GABBR2: variants seen among roughly 807,000 people sequenced by gnomAD.
GABBR2 encodes the protein gamma-aminobutyric acid type B receptor subunit 2.
Under a neutral mutation model 105.6 loss-of-function variants are expected in GABBR2, and 23 were observed. That is an observed-to-expected ratio of 0.22 (90% CI 0.16 to 0.31). The LOEUF (loss-of-function observed/expected upper bound fraction) is 0.31, where lower values mean the gene tolerates loss of function less well. Among genes scored for constraint, GABBR2 ranks in the 10% least tolerant of loss-of-function variants. GABBR2 has a pLI of 1.00. For missense variants in GABBR2, 734 were observed against 1,245.5 expected, an observed-to-expected ratio of 0.59 and a Z score of 6.18; for synonymous variants, 478 against 499.7, an observed-to-expected ratio of 0.96 and a Z score of 0.58.
At chr9:98,351,632 A>G (rs562106866) in intron 13 of GABBR2, among the ~76,000 whole-genome samples, 96 of 152,290 alleles carry the variant, frequency 6.3e-4, no homozygotes, top group African/African-American at 2.2e-3. Context: ...AATTTCATTC[A>G]TTGAATTCTT....
intron 5 of GABBR2, among the ~76,000 whole-genome samples, chr9:98,476,180 T>C (rs545088702): frequency 6.6e-6 from 1 of 152,334 alleles, no homozygotes; most frequent in Admixed American, 6.5e-5. Flanking sequence ...TGGTAATTAA[T>C]TAAGAGGCAG....
chr9:98,668,251 A>ATAACT (rs1830362113), intron 1 of GABBR2, among the ~76,000 whole-genome samples: 1 of 151,696 alleles, frequency 6.6e-6, no homozygotes, highest in African/African-American at 2.4e-5. Flanking sequence ...CCAACTTAAC[A>ATAACT]GTGGCTTTGA....
At chr9:98,607,386 A>G (rs1564129339) in intron 1 of GABBR2, 1 of 675,658 alleles carries the variant, frequency 1.5e-6, no homozygotes, top group Non-Finnish European at 2.7e-6. Flanking sequence ...TGCATGAAAC[A>G]GTATCATCTC....
chr9:98,377,571 C>T (rs1257290998), intron 11 of GABBR2, among the ~76,000 whole-genome samples: 5 of 152,180 alleles, frequency 3.3e-5, no homozygotes, highest in South Asian at 2.1e-4. Flanking sequence ...GCCAGCTCCT[C>T]GAGGACCATG....
intron 3 of GABBR2, among the ~76,000 whole-genome samples, chr9:98,540,562 T>A (rs1261651592): frequency 1.3e-5 from 2 of 152,142 alleles, no homozygotes; most frequent in African/African-American, 4.8e-5. Flanking sequence ...ACCAGCCCTG[T>A]TCTACTCCCA....
intron 1 of GABBR2, among the ~76,000 whole-genome samples, chr9:98,690,511 G>A (rs1830670405): frequency 6.6e-6 from 1 of 152,124 alleles, no homozygotes; most frequent in African/African-American, 2.4e-5. Context: ...AATGTGTAGA[G>A]AAGGAATAGC....
intron 8 of GABBR2, 65 bp from the exon 9 acceptor site, chr9:98,394,320 T>C: frequency 9.0e-7 from 1 of 1,109,480 alleles, no homozygotes; most frequent in Non-Finnish European, 1.4e-6. Flanking sequence ...GGTGCTCCTA[T>C]TCCAGGCTCT....
In GABBR2 at chr9:98,306,438, A is replaced by G; in HGVS notation, c.2005-93T>C. On this transcript the variant is annotated intron_variant, in intron 14 of 18. Transcript: ENST00000259455. This position sits in a 1 kb window ranked among gnomAD's most constrained non-coding sequence, Gnocchi z 5.4. ...GAAGCTGTGGAGTGGAGGGTTACTC[A>G]GGAGGTGGGCTGCAGGGAGGGAGGG... is the stretch of plus-strand genomic sequence containing the variant. 6.1e-6 allele frequency: 3 copies of G among 494,894 alleles called. No homozygotes were observed. Among genetic ancestry groups the G allele is most frequent in the Non-Finnish European group, 1.2e-5 (3 of 254,106 alleles). 30.7% of individuals were successfully genotyped at this position (494,894 alleles called of 1,614,324 possible).
chr9:98,511,761 A>G (rs949450224), intron 3 of GABBR2, among the ~76,000 whole-genome samples: 1 of 152,234 alleles, frequency 6.6e-6, no homozygotes, highest in Non-Finnish European at 1.5e-5. Flanking sequence ...TGAGGCAATA[A>G]TCAATAGATT....
At chr9:98,569,007 T>G (rs1016414185) in intron 2 of GABBR2, among the ~76,000 whole-genome samples, 1 of 151,966 alleles carries the variant, frequency 6.6e-6, no homozygotes, top group Non-Finnish European at 1.5e-5. Flanking sequence ...CCTCTTCCCT[T>G]TCTTCTTGTT....
intron 3 of GABBR2, among the ~76,000 whole-genome samples, chr9:98,530,082 A>G (rs1828036564): frequency 1.3e-5 from 2 of 152,228 alleles, no homozygotes; most frequent in Non-Finnish European, 2.9e-5. Flanking sequence ...GAATAGCTCT[A>G]GGGAACCTAC....
rs992394927 is a variant in GABBR2 at position 98,707,420 on chromosome 9, G to C, written c.321+997C>G. ...CGGAGCACAGGGGCTCGCTCGGTCC[G>C]GAAAAACTCGCAAACCCGACCTTGC... On this transcript the variant is annotated intron_variant, in intron 1 of 18. Transcript: ENST00000259455. 2.0e-5 allele frequency: 3 copies of C among 152,370 alleles called. No individual in the cohort carries two copies. The East Asian group carries it at 5.8e-4, about 29-fold the overall frequency. 9.4% of individuals were successfully genotyped at this position (152,370 alleles called of 1,614,324 possible). A position where few individuals can be genotyped will look rare whatever the true frequency, so the allele number is the denominator to read the frequency against.
intron 1 of GABBR2, among the ~76,000 whole-genome samples, chr9:98,602,386 C>T (rs1449593450): frequency 1.3e-5 from 2 of 150,228 alleles, no homozygotes; most frequent in African/African-American, 4.9e-5. Context: ...GCAGGAGAAT[C>T]GCTTGAACCC....
At chr9:98,613,082 CA>C (rs2131815293) in intron 1 of GABBR2, among the ~76,000 whole-genome samples, 1 of 152,226 alleles carries the variant, frequency 6.6e-6, no homozygotes, top group African/African-American at 2.4e-5. Flanking sequence ...CAAACATGGC[CA>C]GTTATTCACC....
intron 1 of GABBR2, chr9:98,606,863 C>T (rs538143958): frequency 2.7e-4 from 136 of 509,682 alleles, no homozygotes; most frequent in Admixed American, 9.3e-4. Flanking sequence ...AGGAGAGAAG[C>T]GTCCACAGCA....
At chr9:98,587,641 G>A (rs1251977549) in intron 1 of GABBR2, among the ~76,000 whole-genome samples, 1 of 152,216 alleles carries the variant, frequency 6.6e-6, no homozygotes, top group Non-Finnish European at 1.5e-5. Flanking sequence ...GCAGAAGAGG[G>A]AAGAGAAGTT....
At chr9:98,442,198 A>T (rs1826044642) in intron 7 of GABBR2, among the ~76,000 whole-genome samples, 1 of 152,246 alleles carries the variant, frequency 6.6e-6, no homozygotes, top group South Asian at 2.1e-4. Context: ...AGTCTCTTCC[A>T]GTGCTGTGGC....
chr9:98,429,876 G>T (rs926567148), intron 7 of GABBR2, among the ~76,000 whole-genome samples: 3 of 152,182 alleles, frequency 2.0e-5, no homozygotes, highest in Non-Finnish European at 4.4e-5. Context: ...CCTCCCCCTT[G>T]CTGATACCAT....
intron 7 of GABBR2, among the ~76,000 whole-genome samples, chr9:98,413,905 C>G (rs1489280390): frequency 6.6e-6 from 1 of 152,200 alleles, no homozygotes; most frequent in East Asian, 1.9e-4. Flanking sequence ...AACAAAATAT[C>G]AGGTGTAAAT....
Sources: allele counts gnomAD v4.1 joint callset (sites outside exome capture counted in the v4.1 genomes callset), GRCh38; gene constraint gnomAD v4.1.1; non-coding constraint Gnocchi (gnomAD v3.1); transcripts MANE v1.5; gene names NCBI Gene and HGNC (gene_info 2026-07-23, HGNC 2026-07-21).